Variants in PTPRT observed in about 807,000 individuals in gnomAD.
PTPRT encodes protein tyrosine phosphatase receptor type T, also known as receptor-type tyrosine-protein phosphatase T.
Under a neutral mutation model 176.8 loss-of-function variants are expected in PTPRT, and 56 were observed. That is an observed-to-expected ratio of 0.32 (90% CI 0.26 to 0.40). The LOEUF (loss-of-function observed/expected upper bound fraction) is 0.40. Ranked by LOEUF, PTPRT falls within the 10% of genes least tolerant of loss-of-function variation. The pLI is 1.00. For missense variants in PTPRT, 1,540 were observed against 1,908.2 expected (o/e 0.81, Z 3.60); for synonymous variants, 783 against 739.0 (o/e 1.06, Z -0.96).
At chr20:42,579,595 G>C (rs1393167974) in intron 7 of PTPRT, among the ~76,000 whole-genome samples, 15 of 152,096 alleles carry the variant, frequency 9.9e-5, no homozygotes, top group Non-Finnish European at 2.1e-4. Flanking sequence ...TTTAATGATG[G>C]CCATTCTAAC....
chr20:43,051,111 G>A (rs993235878), intron 1 of PTPRT, among the ~76,000 whole-genome samples: 2 of 152,210 alleles, frequency 1.3e-5, no homozygotes, highest in African/African-American at 4.8e-5. Flanking sequence ...ATGGAGAGGT[G>A]GAGAGAGGCT....
At chr20:42,186,301 GTTCTAATAAAGCTTTA>G (rs1345983365) in intron 16 of PTPRT, among the ~76,000 whole-genome samples, 1 of 151,948 alleles carries the variant, frequency 6.6e-6, no homozygotes, top group Non-Finnish European at 1.5e-5. Context: ...GCATGGTTGT[GTTCTAATAAAGCTTTA>G]TTCTAATAAA....
At chr20:42,771,217 A>G (rs1397269024) in intron 5 of PTPRT, among the ~76,000 whole-genome samples, 2 of 152,082 alleles carry the variant, frequency 1.3e-5, no homozygotes, top group East Asian at 1.9e-4. Flanking sequence ...CCAGCGACTG[A>G]CCACACCACC....
At position 42,410,551 on chromosome 20, in the gene PTPRT, C is replaced by A. The variant is rs145138492; in HGVS notation, c.1560+37669G>T. 1.3e-3 allele frequency among the ~76,000 whole-genome samples: 205 copies of A among 151,976 alleles called. 2 individuals are homozygous for A. The highest frequency in any genetic ancestry group is 1.6e-4 in the Non-Finnish European group (11 of 67,936). Reference sequence around the variant, plus strand: ...GAAAATTATTAAAATTAGAGAAAATCTGAGCAAAACTTCAACCACTTGACC... The same window carrying A: ...GAAAATTATTAAAATTAGAGAAAATATGAGCAAAACTTCAACCACTTGACC... On this transcript the variant is annotated intron_variant, in intron 9 of 30. Coordinates refer to ENST00000373187, the MANE Select transcript of PTPRT (RefSeq NM_007050.6).
chr20:42,893,709 T>G (rs1055778083), intron 1 of PTPRT, among the ~76,000 whole-genome samples: 2 of 151,648 alleles, frequency 1.3e-5, no homozygotes, highest in Non-Finnish European at 2.9e-5. Context: ...ATGTCCTTTG[T>G]AGGGACATGG....
chr20:42,698,079 G>A (rs2075911071), intron 6 of PTPRT, among the ~76,000 whole-genome samples: 1 of 152,016 alleles, frequency 6.6e-6, no homozygotes, highest in Non-Finnish European at 1.5e-5. Context: ...TCTTCAAATT[G>A]CCCCATGAAC....
the PTPRT span, among the ~76,000 whole-genome samples, chr20:42,037,860 G>C: frequency 6.6e-6 from 1 of 152,176 alleles, no homozygotes; most frequent in Non-Finnish European, 1.5e-5. Context: ...GTTTGCTTCA[G>C]CTCCTCTGCT....
chr20:42,887,064 C>T (rs2079114989), intron 1 of PTPRT, among the ~76,000 whole-genome samples: 1 of 152,206 alleles, frequency 6.6e-6, no homozygotes, highest in Admixed American at 6.5e-5. Context: ...TTAATGTTCA[C>T]AGGGTGCATC....
Position 42,081,885 on chromosome 20 carries a change from G to C in PTPRT, c.4269C>G (p.Thr1423=). ...GAACAGTCCTTGGGATACTCACCAG[G>C]GTCTCCACCATGTTGGATTTGTTGT... ...LRNNKSNMVE[T]LEQYKFVYEV... The change falls in exon 30 of 31, where the codon ACC becomes ACG. Residue 1423 remains threonine (T), a synonymous_variant. Transcript: ENST00000373187. The C allele has an allele frequency of 6.2e-7, 1 of 1,614,194 alleles. No individual in the cohort carries two copies.
intron 7 of PTPRT, among the ~76,000 whole-genome samples, chr20:42,473,663 T>C (rs917760335): frequency 1.3e-5 from 2 of 152,178 alleles, no homozygotes; most frequent in East Asian, 1.9e-4. Context: ...TTTTCACATA[T>C]GGGGTCTCTC....
At chr20:42,848,251 G>T (rs563682033) in intron 2 of PTPRT, among the ~76,000 whole-genome samples, 1 of 152,248 alleles carries the variant, frequency 6.6e-6, no homozygotes, top group Non-Finnish European at 1.5e-5. Context: ...TTTAGGGCTG[G>T]TTTCCTATTT....
At chr20:42,781,069 C>A (rs1378459461) in intron 3 of PTPRT, among the ~76,000 whole-genome samples, 1 of 152,136 alleles carries the variant, frequency 6.6e-6, no homozygotes, top group Non-Finnish European at 1.5e-5. Flanking sequence ...CATACTCCGG[C>A]ACAGTCTCTA....
chr20:42,747,133 C>T (rs1054738227), intron 6 of PTPRT, among the ~76,000 whole-genome samples: 2 of 151,934 alleles, frequency 1.3e-5, no homozygotes, highest in Non-Finnish European at 1.5e-5. Context: ...ATTAAGGAAA[C>T]GTAATACTTA....
chr20:42,789,136 T>C (rs1290002455), intron 3 of PTPRT, among the ~76,000 whole-genome samples: 1 of 152,188 alleles, frequency 6.6e-6, no homozygotes, highest in Non-Finnish European at 1.5e-5. Context: ...AAATAAAACA[T>C]TTAAATTGAG....
chr20:42,358,660 T>C (rs1226989317), intron 9 of PTPRT, among the ~76,000 whole-genome samples: 1 of 152,212 alleles, frequency 6.6e-6, no homozygotes, highest in African/African-American at 2.4e-5. Context: ...GCAGGACAAC[T>C]GCTTGCCTAA....
At chr20:42,158,758 T>C (rs1449176558) in intron 17 of PTPRT, among the ~76,000 whole-genome samples, 1 of 152,240 alleles carries the variant, frequency 6.6e-6, no homozygotes, top group African/African-American at 2.4e-5. Context: ...TAATGTTAAC[T>C]AGAAGCTAAG....
intron 7 of PTPRT, among the ~76,000 whole-genome samples, chr20:42,508,198 C>CA (rs11480753): frequency 0.17 from 23,157 of 136,322 alleles, 1,886 homozygotes; most frequent in East Asian, 0.22. Context: ...TTTAGATATG[C>CA]AAAAAAAAAA....
At chr20:43,021,122 C>A (rs1016362089) in intron 1 of PTPRT, among the ~76,000 whole-genome samples, 3 of 152,052 alleles carry the variant, frequency 2.0e-5, no homozygotes, top group Non-Finnish European at 4.4e-5. Flanking sequence ...CCTAAAAAAT[C>A]AACAATTAAA....
At chr20:43,047,252 G>A (rs992444794) in intron 1 of PTPRT, among the ~76,000 whole-genome samples, 1 of 152,072 alleles carries the variant, frequency 6.6e-6, no homozygotes, top group Non-Finnish European at 1.5e-5. Flanking sequence ...TGACGTCCCA[G>A]TGTGTCTCCA....
Sources: gnomAD v4.1 joint callset for allele counts (sites outside exome capture counted in the v4.1 genomes callset) on GRCh38, gnomAD v4.1.1 for gene constraint, MANE v1.5 for transcripts, NCBI Gene and HGNC (gene_info 2026-07-23, HGNC 2026-07-21) for gene names.